Variants in PABPC4 observed in about 807,000 individuals in gnomAD.
PABPC4 encodes poly(A) binding protein cytoplasmic 4, also known as polyadenylate-binding protein 4.
Under a neutral mutation model 74.5 loss-of-function variants are expected in PABPC4, and 15 were observed. The ratio of observed to expected loss-of-function variants is 0.20; its 90% CI spans 0.13 to 0.31. The LOEUF is 0.31. Among genes scored for constraint, PABPC4 ranks in the 10% least tolerant of loss-of-function variants. The pLI is 1.00. For synonymous variants in PABPC4, 345 were observed against 303.0 expected (o/e 1.14, Z -1.44); for missense variants, 610 against 853.5 (o/e 0.71, Z 3.55).
intron 3 of PABPC4, 128 bp downstream of exon 3, chr1:39,571,106 A>G: frequency 1.9e-6 from 3 of 1,553,432 alleles, no homozygotes; most frequent in Non-Finnish European, 2.6e-6. Flanking sequence ...CCAGCCCTGG[A>G]GTGGAGAGGT....
At chr1:39,567,511 T>G in intron 7 of PABPC4, 1 of 626,148 alleles carries the variant, frequency 1.6e-6, no homozygotes, top group Non-Finnish European at 3.0e-6. Flanking sequence ...TCAGGTGCTC[T>G]GAGTTGGCAA....
chr1:39,574,782 G>T (rs1645992601), intron 1 of PABPC4, among the ~76,000 whole-genome samples: 1 of 152,232 alleles, frequency 6.6e-6, no homozygotes, highest in Admixed American at 6.5e-5. Flanking sequence ...TCCCAGTAAT[G>T]ATCTCTGCAG....
At position 39,562,282 on chromosome 1, in the gene PABPC4, C is replaced by A. The variant is rs1226549368; in HGVS notation, c.1762+41G>T. ...CACTGGTGTCCTAGCTGGCATCAGG[C>A]TCTGGGACCCTCTTCTTCTGCAAGC... On this transcript the variant is annotated intron_variant, in intron 13 of 15. Transcript: ENST00000372858. The A allele has an allele frequency of 1.9e-6, 3 of 1,610,150 alleles. No individual in the cohort carries two copies. The African/African-American group carries it at 4.0e-5, about 22-fold the overall frequency.
chr1:39,570,344 G>A (rs895450385), intron 3 of PABPC4: 3 of 227,902 alleles, frequency 1.3e-5, no homozygotes, highest in Non-Finnish European at 2.6e-5. Flanking sequence ...AAACCAAACT[G>A]TTAACAGTGG....
chr1:39,576,023 G>C lies in PABPC4; in HGVS notation c.-72C>G. ...CGGGCCCGCCGCAGGACAAAGGGGCGCCTTCGGAGCCCGGGCCCGCGCCGC... is the reference window on the plus strand; with the variant it reads ...CGGGCCCGCCGCAGGACAAAGGGGCCCCTTCGGAGCCCGGGCCCGCGCCGC... On this transcript the variant is annotated 5_prime_UTR_variant, in exon 1 of 16. Transcript: ENST00000372858. 1.8e-6 allele frequency: 2 copies of C among 1,093,250 alleles called. No individual in the cohort carries two copies. Among genetic ancestry groups the C allele is most frequent in the Non-Finnish European group, 2.5e-6 (2 of 813,258 alleles). The allele number at this position is 1,093,250 out of a possible 1,614,324, so 67.7% of individuals were successfully genotyped here. A position where few individuals can be genotyped will look rare whatever the true frequency, so the allele number is the denominator to read the frequency against.
At chr1:39,568,023 C>G in intron 6 of PABPC4, 177 bp from the exon 7 acceptor site, 1 of 483,638 alleles carries the variant, frequency 2.1e-6, no homozygotes, top group Non-Finnish European at 3.7e-6. Flanking sequence ...TTTGGGAGGC[C>G]GAGGCGGGCG....
Position 39,565,422 on chromosome 1 carries a change from C to A in PABPC4, c.973-44G>T, listed in dbSNP as rs1365641763. The stretch of plus-strand genomic sequence containing the variant: ...TACTTAAGAAATAAGGTGTCCCTGG[C>A]TGGGTGTGATGGCTTGTGCCTGTAA... On this transcript the variant is annotated intron_variant, in intron 7 of 15. Coordinates refer to ENST00000372858, the MANE Select transcript of PABPC4 (RefSeq NM_001135653.2). 1.9e-6 allele frequency: 3 copies of A among 1,571,290 alleles called. No homozygotes were observed. The Admixed American group carries it at 5.2e-5, about 27-fold the overall frequency.
chr1:39,570,947 G>A (rs950215475), intron 3 of PABPC4: 25 of 879,340 alleles, frequency 2.8e-5, no homozygotes, highest in Non-Finnish European at 3.5e-5. Flanking sequence ...TGAGCTTAGA[G>A]CTGCTTTCCA....
Position 39,571,274 on chromosome 1 carries a change from T to C in PABPC4, c.463A>G (p.Ile155Val). 1 of 1,614,232 alleles carries C rather than the reference T, an allele frequency of 6.2e-7. No individual in the cohort carries two copies. ...FETQEAADKA[I>V]EKMNGMLLND... ...AGGAGCATGCCATTCATCTTCTCGA[T>C]GGCCTTGTCGGCAGCCTCTTGGGTC... The change falls in exon 3 of 16, where the codon ATC becomes GTC. Residue 155 changes from isoleucine (I) to valine (V), a missense_variant. Physicochemically the swap from Ile to Val is conservative, Grantham distance 29. Coordinates refer to ENST00000372858, the MANE Select transcript of PABPC4 (RefSeq NM_001135653.2).
In PABPC4 at chr1:39,572,507, G is replaced by C. The variant is rs1189800734; in HGVS notation, c.273C>G (p.Pro91=). The change falls in exon 2 of 16, where the codon CCC becomes CCG. Residue 91 remains proline (P), a synonymous_variant. Coordinates refer to ENST00000372858, the MANE Select transcript of PABPC4 (RefSeq NM_001135653.2). The stretch of plus-strand genomic sequence containing the variant: ...TTCCCACACCAGATTTTCTCAAAGA[G>C]GGATCCCTCTGAGACCACATGATGC... ...PIRIMWSQRD[P]SLRKSGVGNV... 3 of 1,613,898 alleles carry C rather than the reference G, an allele frequency of 1.9e-6. No homozygotes were observed. The highest frequency in any genetic ancestry group is 1.7e-5 in the Admixed American group (1 of 59,996).
In PABPC4 at chr1:39,576,290, A is replaced by C. The variant is rs1646024985; in HGVS notation, c.-339T>G. 9.2e-5 allele frequency: 19 copies of C among 207,192 alleles called. No homozygotes were observed. Among genetic ancestry groups the C allele is most frequent in the Non-Finnish European group, 1.3e-4 (14 of 104,272 alleles). 12.8% of individuals were successfully genotyped at this position (207,192 alleles called of 1,614,324 possible). On this transcript the variant is annotated 5_prime_UTR_variant, in exon 1 of 16. Transcript: ENST00000372858. ...GGGAATCCCCTTCCGAAGGGTAAAA[A>C]TCCTTTAAGAGGCGACCGGACGCTG...
chr1:39,568,682 G>A, intron 6 of PABPC4, 120 bp downstream of exon 6: 1 of 894,050 alleles, frequency 1.1e-6, no homozygotes, highest in East Asian at 2.4e-5. Flanking sequence ...CATCTTTTTA[G>A]GTAAAATGGG....
rs557672300 is a variant in PABPC4 at position 39,575,474 on chromosome 1, G to C, written c.193+285C>G. Among the ~76,000 whole-genome samples the C allele has an allele frequency of 6.6e-5, 10 of 152,332 alleles. No homozygotes were observed. The East Asian group carries it at 1.9e-3, about 29-fold the overall frequency. On this transcript the variant is annotated intron_variant, in intron 1 of 15. Coordinates refer to ENST00000372858, the MANE Select transcript of PABPC4 (RefSeq NM_001135653.2). ...AAGGACCACACGCAGTGGAATGCCA[G>C]TGGCTTCACTCTAATCCTGTTTTAC...
At chr1:39,566,314 G>A (rs1038468703) in intron 7 of PABPC4, among the ~76,000 whole-genome samples, 1 of 152,110 alleles carries the variant, frequency 6.6e-6, no homozygotes, top group African/African-American at 2.4e-5. Context: ...GTGTGGACAG[G>A]AGTCCTAAAA....
chr1:39,575,332 G>A (rs1049821691), intron 1 of PABPC4, among the ~76,000 whole-genome samples: 3 of 152,160 alleles, frequency 2.0e-5, no homozygotes, highest in Non-Finnish European at 4.4e-5. Context: ...GTGGCGGAGC[G>A]GGCAGGAGCT....
chr1:39,574,532 G>C (rs1028990602), intron 1 of PABPC4, among the ~76,000 whole-genome samples: 3 of 152,198 alleles, frequency 2.0e-5, no homozygotes, highest in Admixed American at 1.3e-4. Flanking sequence ...AGCTAATGTG[G>C]TACATTATCC....
chr1:39,565,815 G>A lies in PABPC4; in HGVS notation c.973-437C>T, dbSNP rs372370219. On this transcript the variant is annotated intron_variant, in intron 7 of 15. Coordinates refer to ENST00000372858, the MANE Select transcript of PABPC4 (RefSeq NM_001135653.2). ...TGCACTCCAGCCTGGGCGACAGAGCGAGACTCCATCTCCAAAACAAAACAA... is the reference window on the plus strand; with the variant it reads ...TGCACTCCAGCCTGGGCGACAGAGCAAGACTCCATCTCCAAAACAAAACAA... Among the ~76,000 whole-genome samples the A allele has an allele frequency of 4.4e-4, 67 of 150,786 alleles. 1 individual carries two copies. In the East Asian group the frequency reaches 0.012, roughly 28 times the overall value.
intron 8 of PABPC4, 85 bp downstream of exon 8, chr1:39,565,018 CTAA>C (rs1645816215): frequency 2.1e-6 from 3 of 1,412,614 alleles, no homozygotes; most frequent in Non-Finnish European, 2.9e-6. Context: ...TTCTAGAACT[CTAA>C]TAACGAAAAA....
intron 8 of PABPC4, 49 bp from the exon 9 acceptor site, chr1:39,564,822 C>A: frequency 7.2e-7 from 1 of 1,394,426 alleles, no homozygotes; most frequent in Non-Finnish European, 1.0e-6. Flanking sequence ...CTGAACCCAT[C>A]CTAGAGAAGT....
Sources: allele counts gnomAD v4.1 joint callset (sites outside exome capture counted in the v4.1 genomes callset), GRCh38; gene constraint gnomAD v4.1.1; transcripts MANE v1.5; gene names NCBI Gene and HGNC (gene_info 2026-07-23, HGNC 2026-07-21).